The following OPA1 variants were observed in gnomAD, a reference collection of about 807,000 sequenced individuals.
OPA1 encodes OPA1 mitochondrial dynamin like GTPase.
A neutral mutation model predicts 152.9 loss-of-function variants in OPA1; 59 were observed. That is an observed-to-expected ratio of 0.39 (90% CI 0.31 to 0.48). OPA1 has a LOEUF of 0.48. OPA1 is among the 20% of genes least tolerant of loss of function. The probability of loss-of-function intolerance (pLI) is 0.96; values close to 1 mark genes in which losing one functional copy is unlikely to be tolerated. For missense variants in OPA1, 1,008 were observed against 1,216.8 expected (o/e 0.83, Z 2.55); for synonymous variants, 400 against 389.9 (o/e 1.03, Z -0.31).
At chr3:193,634,093 G>T (rs899384905) in intron 8 of OPA1, among the ~76,000 whole-genome samples, 3 of 151,916 alleles carry the variant, frequency 2.0e-5, no homozygotes. Context: ...AAAATTGTAA[G>T]GAATATTTTT....
chr3:193,594,913 A>G (rs1725269127), intron 1 of OPA1, among the ~76,000 whole-genome samples: 1 of 152,224 alleles, frequency 6.6e-6, no homozygotes, highest in Non-Finnish European at 1.5e-5. Flanking sequence ...TTTTCTTTAA[A>G]TAAAAAGAGA....
intron 8 of OPA1, among the ~76,000 whole-genome samples, chr3:193,631,948 T>G (rs1346217705): frequency 1.3e-5 from 2 of 152,200 alleles, no homozygotes; most frequent in African/African-American, 4.8e-5. Context: ...TATGCTTGCA[T>G]TTTTACATTG....
intron 29 of OPA1, among the ~76,000 whole-genome samples, chr3:193,678,999 A>G (rs772088174): frequency 2.6e-5 from 4 of 152,214 alleles, no homozygotes; most frequent in Non-Finnish European, 5.9e-5. Context: ...TGGCCCAGGC[A>G]TGCATTCAGG....
chr3:193,600,645 T>G (rs1370988554), intron 1 of OPA1, among the ~76,000 whole-genome samples: 1 of 152,196 alleles, frequency 6.6e-6, no homozygotes, highest in East Asian at 1.9e-4. Context: ...AGTATGATAG[T>G]GATTAAGGAT....
At chr3:193,601,578 C>T (rs1368016439) in intron 1 of OPA1, among the ~76,000 whole-genome samples, 1 of 152,114 alleles carries the variant, frequency 6.6e-6, no homozygotes, top group East Asian at 1.9e-4. Context: ...TTCTATGGCC[C>T]CTTTGTAGTG....
At chr3:193,594,590 T>C (rs1361805829) in intron 1 of OPA1, among the ~76,000 whole-genome samples, 2 of 152,034 alleles carry the variant, frequency 1.3e-5, no homozygotes, top group Non-Finnish European at 2.9e-5. Flanking sequence ...GTTTCACCAT[T>C]TTGGCCAGGC....
At chr3:193,650,529 T>C (rs1712143675) in intron 21 of OPA1, among the ~76,000 whole-genome samples, 1 of 152,242 alleles carries the variant, frequency 6.6e-6, no homozygotes, top group Non-Finnish European at 1.5e-5. Flanking sequence ...TCCTATGTGA[T>C]ATTTTAGGAC....
At chr3:193,619,424 T>G (rs1490734004) in intron 6 of OPA1, among the ~76,000 whole-genome samples, 1 of 152,224 alleles carries the variant, frequency 6.6e-6, no homozygotes, top group African/African-American at 2.4e-5. Flanking sequence ...AGGAATTGGG[T>G]TATTAGGAAA....
chr3:193,595,536 A>C (rs546180359), intron 1 of OPA1, among the ~76,000 whole-genome samples: 21 of 152,290 alleles, frequency 1.4e-4, no homozygotes, highest in Admixed American at 2.0e-4. Context: ...ATTTTCTTCT[A>C]ATGTAATTGT....
chr3:193,693,914 A>AC (rs1721998275), intron 30 of OPA1, among the ~76,000 whole-genome samples: 1 of 152,188 alleles, frequency 6.6e-6, no homozygotes, highest in Non-Finnish European at 1.5e-5. Flanking sequence ...AGTTCTATTT[A>AC]CTGACCTGTG....
intron 27 of OPA1, among the ~76,000 whole-genome samples, chr3:193,666,023 T>A (rs1039976104): frequency 6.6e-6 from 1 of 152,208 alleles, no homozygotes. Flanking sequence ...TACAATGTAA[T>A]GTAATTTGCT....
intron 29 of OPA1, chr3:193,668,526 C>A: frequency 6.5e-7 from 1 of 1,548,558 alleles, no homozygotes; most frequent in South Asian, 1.2e-5. Flanking sequence ...AGCCTCTGCC[C>A]GACCCCAGAC....
chr3:193,597,690 CAAAAAAAAAAA>C (rs75168011), intron 1 of OPA1, among the ~76,000 whole-genome samples: 4 of 80,304 alleles, frequency 5.0e-5, no homozygotes, highest in African/African-American at 1.8e-4. Flanking sequence ...GACTCCGTTT[CAAAAAAAAAAA>C]AAAAAAAAGA....
At chr3:193,689,615 A>C (rs1277192521) in intron 29 of OPA1, among the ~76,000 whole-genome samples, 3 of 152,144 alleles carry the variant, frequency 2.0e-5, no homozygotes, top group African/African-American at 7.2e-5. Context: ...ATTCAATTGG[A>C]TCTTCTCTGA....
intron 29 of OPA1, among the ~76,000 whole-genome samples, chr3:193,682,319 G>C (rs1460361754): frequency 6.6e-6 from 1 of 152,174 alleles, no homozygotes; most frequent in African/African-American, 2.4e-5. Context: ...TGGTTCATAA[G>C]GTTTAAGAGG....
chr3:193,675,762 A>G (rs762928919), intron 29 of OPA1, among the ~76,000 whole-genome samples: 1 of 152,202 alleles, frequency 6.6e-6, no homozygotes, highest in African/African-American at 2.4e-5. Context: ...CCTTCTGCCA[A>G]AGTGATTTGG....
At chr3:193,606,763 A>C (rs1348855970) in intron 1 of OPA1, among the ~76,000 whole-genome samples, 11 of 152,136 alleles carry the variant, frequency 7.2e-5, no homozygotes, top group Non-Finnish European at 1.5e-4. Flanking sequence ...ATGATTTATA[A>C]TCCTTTGGGT....
At chr3:193,626,071 C>T (rs1223996895) in intron 6 of OPA1, 21 bp from the exon 7 acceptor site, 4 of 1,581,170 alleles carry the variant, frequency 2.5e-6, no homozygotes, top group Non-Finnish European at 2.6e-6. Context: ...TCCTCTTCTC[C>T]TCATTGTGAA....
At chr3:193,640,976 C>G (rs1253542617) in intron 11 of OPA1, among the ~76,000 whole-genome samples, 4 of 152,074 alleles carry the variant, frequency 2.6e-5, no homozygotes, top group African/African-American at 4.8e-5. Context: ...GTTACTAGTT[C>G]TGTGTGTGGT....
Sources: gnomAD v4.1 joint callset for allele counts (sites outside exome capture counted in the v4.1 genomes callset) on GRCh38, gnomAD v4.1.1 for gene constraint, MANE v1.5 for transcripts, NCBI Gene and HGNC (gene_info 2026-07-23, HGNC 2026-07-21) for gene names.